The following FAM83B variants were observed in gnomAD, a reference collection of about 807,000 sequenced individuals.
The protein encoded by FAM83B is protein FAM83B.
A neutral mutation model predicts 38.8 loss-of-function variants in FAM83B; 26 were observed. The observed-to-expected ratio is 0.67, with a 90% confidence interval of 0.49 to 0.93. The LOEUF (loss-of-function observed/expected upper bound fraction) is 0.93. Among genes scored for constraint, FAM83B ranks in the 40% least tolerant of loss-of-function variants. The pLI, the probability that FAM83B is intolerant of heterozygous loss-of-function variation, is 0.00. For missense variants in FAM83B, 1,237 were observed against 1,197.3 expected, an observed-to-expected ratio of 1.03 and a Z score of -0.49; for synonymous variants, 419 against 423.1, an observed-to-expected ratio of 0.99 and a Z score of 0.12.
At chr6:54,921,107 T>G (rs1448453563) in intron 2 of FAM83B, among the ~76,000 whole-genome samples, 1 of 151,986 alleles carries the variant, frequency 6.6e-6, no homozygotes, top group Non-Finnish European at 1.5e-5. Context: ...CCTTTCACCT[T>G]GGATGGCTAA....
chr6:54,903,413 C>T (rs918465558), intron 2 of FAM83B, among the ~76,000 whole-genome samples: 1 of 152,152 alleles, frequency 6.6e-6, no homozygotes, highest in African/African-American at 2.4e-5. Context: ...GTCTGCATTT[C>T]TACTACCATT....
chr6:54,938,413 TCTA>T (rs1773568500), intron 4 of FAM83B, among the ~76,000 whole-genome samples: 1 of 152,218 alleles, frequency 6.6e-6, no homozygotes, highest in Admixed American at 6.5e-5. Context: ...GAATGGCAGT[TCTA>T]CTTTTAGTTC....
intron 2 of FAM83B, among the ~76,000 whole-genome samples, chr6:54,885,219 G>T (rs947691905): frequency 2.6e-5 from 4 of 152,094 alleles, no homozygotes; most frequent in African/African-American, 7.2e-5. Context: ...AGAACAGTGT[G>T]AGTAGAGTTG....
At chr6:54,937,610 G>A (rs1773553038) in intron 4 of FAM83B, among the ~76,000 whole-genome samples, 1 of 151,954 alleles carries the variant, frequency 6.6e-6, no homozygotes, top group Non-Finnish European at 1.5e-5. Flanking sequence ...CATTAACACA[G>A]CTGTATCTTA....
At chr6:54,880,506 A>G (rs1390777692) in intron 2 of FAM83B, among the ~76,000 whole-genome samples, 1 of 130,594 alleles carries the variant, frequency 7.7e-6, no homozygotes, top group Non-Finnish European at 1.5e-5. Context: ...GTGCAGTGGC[A>G]TGATCTCGGC....
chr6:54,897,167 G>T (rs1490981876), intron 2 of FAM83B, among the ~76,000 whole-genome samples: 1 of 151,536 alleles, frequency 6.6e-6, no homozygotes, highest in African/African-American at 2.4e-5. Flanking sequence ...CAAACCTGGG[G>T]ACAGCTTTAC....
chr6:54,850,492 C>T (rs1456694190), intron 1 of FAM83B, among the ~76,000 whole-genome samples: 1 of 152,162 alleles, frequency 6.6e-6, no homozygotes, highest in Non-Finnish European at 1.5e-5. Flanking sequence ...CGTTCTTTAA[C>T]ATCAGATTCC....
At chr6:54,917,637 T>G (rs2127586258) in intron 2 of FAM83B, among the ~76,000 whole-genome samples, 1 of 152,256 alleles carries the variant, frequency 6.6e-6, no homozygotes, top group East Asian at 1.9e-4. Flanking sequence ...ATTAATAATC[T>G]AAAGTAACAG....
chr6:54,867,615 A>T (rs1171806109), intron 1 of FAM83B, among the ~76,000 whole-genome samples: 2 of 151,926 alleles, frequency 1.3e-5, no homozygotes, highest in Admixed American at 6.6e-5. Flanking sequence ...TTCACTTCTT[A>T]TTTCCAATTT....
At chr6:54,907,559 C>G (rs1772801324) in intron 2 of FAM83B, among the ~76,000 whole-genome samples, 1 of 152,064 alleles carries the variant, frequency 6.6e-6, no homozygotes, top group Admixed American at 6.6e-5. Flanking sequence ...AAGGAGCCTT[C>G]TGACAGGGTG....
At chr6:54,855,528 C>A (rs1309295219) in intron 1 of FAM83B, among the ~76,000 whole-genome samples, 1 of 152,196 alleles carries the variant, frequency 6.6e-6, no homozygotes, top group East Asian at 1.9e-4. Flanking sequence ...GGTTCATACT[C>A]AAAGCCATAC....
chr6:54,912,947 A>C (rs1411076705), intron 2 of FAM83B, among the ~76,000 whole-genome samples: 6 of 152,084 alleles, frequency 3.9e-5, no homozygotes, highest in Non-Finnish European at 7.4e-5. Flanking sequence ...ATTAAATACA[A>C]AATTGCTACT....
At position 54,908,613 on chromosome 6, in the gene FAM83B, G is replaced by C. The variant is rs528281882; in HGVS notation, c.445-17758G>C. Among the ~76,000 whole-genome samples, 87 of 152,160 alleles carry C rather than the reference G, an allele frequency of 5.7e-4. 2 individuals are homozygous for C. The highest frequency in any genetic ancestry group is 2.0e-3 in the African/African-American group (85 of 41,524). ...TTCTCGGACTTAAGATTCTGTCCTA[G>C]ACTTGCTTCAGCTATAGCTCATCAT... On this transcript the variant is annotated intron_variant, in intron 2 of 4. Transcript: ENST00000306858.
rs1456099759 is a variant in FAM83B, at chr6:54,941,316, C to T, written c.2345C>T (p.Thr782Ile). Reference protein sequence around the residue: ...SQKLRSLLSLTPDKKENLSKN... With the variant: ...SQKLRSLLSLIPDKKENLSKN... Reference sequence around the variant, plus strand: ...AAGTTAAGGTCATTACTTAGCCTTACCCCAGATAAGAAAGAAAATCTATCC... The same window carrying T: ...AAGTTAAGGTCATTACTTAGCCTTATCCCAGATAAGAAAGAAAATCTATCC... The change falls in exon 5 of 5, where the codon ACC becomes ATC. Residue 782 changes from threonine to isoleucine, a missense_variant. Physicochemically the swap from Thr to Ile is moderately conservative, Grantham distance 89 (BLOSUM62 -1). Coordinates refer to ENST00000306858, the MANE Select transcript of FAM83B (RefSeq NM_001010872.3). 10 of 1,612,386 alleles carry T rather than the reference C, an allele frequency of 6.2e-6. No individual in the cohort carries two copies. Among genetic ancestry groups the T allele is most frequent in the Non-Finnish European group, 8.5e-6 (10 of 1,179,660 alleles).
chr6:54,876,993 T>TC (rs1772012559), intron 2 of FAM83B, among the ~76,000 whole-genome samples: 1 of 152,212 alleles, frequency 6.6e-6, no homozygotes, highest in African/African-American at 2.4e-5. Context: ...TTTGTTGGAA[T>TC]GGCAAAGCTA....
chr6:54,871,548 G>A (rs929052687), intron 2 of FAM83B, among the ~76,000 whole-genome samples: 10 of 127,048 alleles, frequency 7.9e-5, no homozygotes, highest in South Asian at 2.7e-4. Context: ...GCAAAACCTC[G>A]TCTCTACAAT....
intron 2 of FAM83B, among the ~76,000 whole-genome samples, chr6:54,883,460 G>A (rs1341808912): frequency 1.3e-5 from 2 of 149,888 alleles, no homozygotes; most frequent in Non-Finnish European, 3.0e-5. Context: ...TCAACCTCCC[G>A]AGTAGCTGGG....
At chr6:54,893,629 G>A (rs369734513) in intron 2 of FAM83B, among the ~76,000 whole-genome samples, 1 of 152,006 alleles carries the variant, frequency 6.6e-6, no homozygotes, top group Non-Finnish European at 1.5e-5. Flanking sequence ...AAAGAATTAC[G>A]ATTCTACTAC....
At chr6:54,868,058 T>G (rs1218111642) in intron 1 of FAM83B, among the ~76,000 whole-genome samples, 1 of 152,286 alleles carries the variant, frequency 6.6e-6, no homozygotes, top group East Asian at 1.9e-4. Flanking sequence ...GATTGAGTCT[T>G]TTAAGTGAAT....
Sources: gnomAD v4.1 joint callset for allele counts (sites outside exome capture counted in the v4.1 genomes callset) on GRCh38, gnomAD v4.1.1 for gene constraint, MANE v1.5 for transcripts, NCBI Gene and HGNC (gene_info 2026-07-23, HGNC 2026-07-21) for gene names.